Variants in RIMBP2 observed in about 807,000 individuals in gnomAD.
RIMBP2 encodes the protein RIMS-binding protein 2.
In RIMBP2, 48 loss-of-function variants were observed where a neutral mutation model predicts 118.6. The ratio of observed to expected loss-of-function variants is 0.40; its 90% CI spans 0.32 to 0.51. The LOEUF is 0.51. RIMBP2 is among the 20% of genes least tolerant of loss of function. The probability of loss-of-function intolerance (pLI) is 0.41; values close to 1 mark genes in which losing one functional copy is unlikely to be tolerated. For missense variants in RIMBP2, 1,551 were observed against 1,768.3 expected (o/e 0.88, Z 2.20); for synonymous variants, 762 against 742.9 (o/e 1.03, Z -0.42).
At chr12:130,545,737 G>A (rs562269520) in intron 2 of RIMBP2, among the ~76,000 whole-genome samples, 1 of 152,340 alleles carries the variant, frequency 6.6e-6, no homozygotes, top group South Asian at 2.1e-4. Flanking sequence ...GGCTTACGCA[G>A]AATCTTCTTC....
chr12:130,424,812 G>A lies in RIMBP2; in HGVS notation c.2459C>T (p.Pro820Leu). ...CCTGTGGGGCTGGTGGGGAAACTCGGGCTGCTCCCAGAAAGTGCCTTCCGA... is the reference window on the plus strand; with the variant it reads ...CCTGTGGGGCTGGTGGGGAAACTCGAGCTGCTCCCAGAAAGTGCCTTCCGA... ...RTSEGTFWEQPEFPHQPHRKR... is the reference protein window; with the variant it reads ...RTSEGTFWEQLEFPHQPHRKR... The change falls in exon 16 of 23, where the codon CCC becomes CTC. Residue 820 changes from proline to leucine, a missense_variant. Physicochemically the swap from Pro to Leu is moderately conservative, Grantham distance 98. Around this residue, in one of 5 missense-constraint regions of RIMBP2, gnomAD observed 1,038 missense variants for 1,125.1 expected, o/e 0.92. Transcript: ENST00000690449. This position sits in a 1 kb window ranked among gnomAD's most constrained non-coding sequence, Gnocchi z 9.8. 3.2e-6 allele frequency: 4 copies of A among 1,232,736 alleles called. No homozygotes were observed. Among genetic ancestry groups the A allele is most frequent in the Non-Finnish European group, 4.0e-6 (4 of 988,454 alleles). 76.4% of individuals were successfully genotyped at this position (1,232,736 alleles called of 1,614,324 possible).
intron 2 of RIMBP2, among the ~76,000 whole-genome samples, chr12:130,613,181 G>A (rs960508473): frequency 1.3e-5 from 2 of 152,240 alleles, no homozygotes; most frequent in Non-Finnish European, 2.9e-5. Context: ...TGAGTAATGA[G>A]GGGATGGGAC....
chr12:130,663,290 A>G (rs1021432995), intron 1 of RIMBP2, among the ~76,000 whole-genome samples: 1 of 152,182 alleles, frequency 6.6e-6, no homozygotes, highest in Non-Finnish European at 1.5e-5. Context: ...AGCCCTGTCC[A>G]TGCGCCCTGA....
At chr12:130,600,576 C>A (rs1593982978) in intron 2 of RIMBP2, among the ~76,000 whole-genome samples, 1 of 152,036 alleles carries the variant, frequency 6.6e-6, no homozygotes, top group Admixed American at 6.6e-5. Context: ...ACAGAACCTC[C>A]CCTCTGGCTG....
At position 130,578,439 on chromosome 12, in the gene RIMBP2, T is replaced by C. The variant is rs948610558; in HGVS notation, c.-217+49883A>G. On this transcript the variant is annotated intron_variant, in intron 2 of 22. Coordinates refer to ENST00000690449, the MANE Select transcript of RIMBP2 (RefSeq NM_001393629.1). The surrounding 1 kb of genome is among the most constrained non-coding windows in gnomAD (Gnocchi z 4.1). Reference sequence around the variant, plus strand: ...CCAAGACCTTCTGCAGCTTTGCCCCTGCCTCACCTGTCCAACCTCGCCTTG... The same window carrying C: ...CCAAGACCTTCTGCAGCTTTGCCCCCGCCTCACCTGTCCAACCTCGCCTTG... Among the ~76,000 whole-genome samples, 2 of 152,234 alleles carry C rather than the reference T, an allele frequency of 1.3e-5. No individual in the cohort carries two copies. The highest frequency in any genetic ancestry group is 2.9e-5 in the Non-Finnish European group (2 of 68,042).
chr12:130,662,611 A>G (rs887766519), intron 1 of RIMBP2, among the ~76,000 whole-genome samples: 9 of 151,994 alleles, frequency 5.9e-5, no homozygotes, highest in African/African-American at 2.2e-4. Flanking sequence ...AGCCAAGATC[A>G]CACCCTTGTA....
intron 1 of RIMBP2, among the ~76,000 whole-genome samples, chr12:130,645,469 T>A (rs1409429395): frequency 6.6e-6 from 1 of 152,186 alleles, no homozygotes; most frequent in Admixed American, 6.5e-5. Flanking sequence ...ACTGGCTGGA[T>A]GTGATATCGG....
intron 1 of RIMBP2, among the ~76,000 whole-genome samples, chr12:130,692,850 ATAGGGTAGGG>A (rs762175825): frequency 0.042 from 3,371 of 80,850 alleles, 253 homozygotes; most frequent in African/African-American, 0.15. Flanking sequence ...ATGGGATGGG[ATAGGGTAGGG>A]TAGGGTAGGG....
At chr12:130,671,039 C>T (rs1477529739) in intron 1 of RIMBP2, among the ~76,000 whole-genome samples, 2 of 152,134 alleles carry the variant, frequency 1.3e-5, no homozygotes, top group African/African-American at 2.4e-5. Context: ...GGATGACAGA[C>T]GTGAGCCACC....
At chr12:130,488,244 G>A (rs1302873704) in intron 4 of RIMBP2, among the ~76,000 whole-genome samples, 2 of 152,134 alleles carry the variant, frequency 1.3e-5, no homozygotes, top group Non-Finnish European at 2.9e-5. Flanking sequence ...CACACTGGCG[G>A]AGTTAGTCAC....
At chr12:130,425,023 C>A in intron 15 of RIMBP2, 165 bp from the exon 16 acceptor site, 1 of 411,856 alleles carries the variant, frequency 2.4e-6, no homozygotes, top group Non-Finnish European at 4.2e-6. Flanking sequence ...GAGGGCTCTG[C>A]AATGAAAACA....
Position 130,602,354 on chromosome 12 carries a change from G to A in RIMBP2, c.-217+25968C>T, listed in dbSNP as rs1481365700. On this transcript the variant is annotated intron_variant, in intron 2 of 22. Coordinates refer to ENST00000690449, the MANE Select transcript of RIMBP2 (RefSeq NM_001393629.1). The stretch of plus-strand genomic sequence containing the variant: ...CCATTTCAGCTCTGAGGTCCCAAAG[G>A]AACATTCAGCATCATAGGTGGGGCT... Among the ~76,000 whole-genome samples, 8 of 152,264 alleles carry A rather than the reference G, an allele frequency of 5.3e-5. No individual in the cohort carries two copies. In the East Asian group the frequency reaches 1.5e-3, roughly 29 times the overall value.
intron 1 of RIMBP2, among the ~76,000 whole-genome samples, chr12:130,664,395 A>ACACACACG (rs68176742): frequency 2.3e-5 from 3 of 128,536 alleles, no homozygotes; most frequent in Admixed American, 8.0e-5. Flanking sequence ...GCATGCACAC[A>ACACACACG]CACGCACGCA....
At position 130,433,356 on chromosome 12, in the gene RIMBP2, G is replaced by T. The variant is rs147953923; in HGVS notation, c.2253+1378C>A. 4.8e-3 allele frequency among the ~76,000 whole-genome samples: 727 copies of T among 152,298 alleles called. 2 individuals carry two copies. Among genetic ancestry groups the T allele is most frequent in the Non-Finnish European group, 8.4e-3 (573 of 68,022 alleles). On this transcript the variant is annotated intron_variant, in intron 14 of 22. Coordinates refer to ENST00000690449, the MANE Select transcript of RIMBP2 (RefSeq NM_001393629.1). ...ATATGTCTACTCACTGCATGTGCGT[G>T]TGACTCCTCTCGGATGGATGCACAG...
In RIMBP2 at chr12:130,407,734, C is replaced by G. The variant is rs765553561; in HGVS notation, c.3685G>C (p.Asp1229His). 6.2e-7 allele frequency: 1 copy of G among 1,613,534 alleles called. No individual in the cohort carries two copies. Among genetic ancestry groups the G allele is most frequent in the South Asian group, 1.1e-5 (1 of 91,048 alleles). Residue 1229 changes from aspartate (D) to histidine (H), a missense_variant, in exon 20 of 23, where the codon GAT becomes CAT. Around this residue, in one of 5 missense-constraint regions of RIMBP2, gnomAD observed 1,038 missense variants for 1,125.1 expected, o/e 0.92. Coordinates refer to ENST00000690449, the MANE Select transcript of RIMBP2 (RefSeq NM_001393629.1). ...YDPRESSPNV[D>H]VEAELTFCTG... ...CAGTGTTTGGCTGGTACCTCGACAT[C>G]GACGTTGGGCGAGCTTTCTCTGGGG...
intron 20 of RIMBP2, among the ~76,000 whole-genome samples, chr12:130,407,477 A>T (rs201680746): frequency 6.6e-6 from 1 of 152,208 alleles, no homozygotes; most frequent in East Asian, 1.9e-4. Context: ...TCTTTCTGTC[A>T]TGGCACAGGA....
chr12:130,483,135 G>C (rs111756180), intron 4 of RIMBP2, among the ~76,000 whole-genome samples: 19 of 68,912 alleles, frequency 2.8e-4, no homozygotes, highest in African/African-American at 9.8e-4. Context: ...ACATGTGTCA[G>C]ATTCTGCAGG....
At chr12:130,613,231 CCAACAAGGCAGGGGA>C in intron 2 of RIMBP2, among the ~76,000 whole-genome samples, 1 of 152,336 alleles carries the variant, frequency 6.6e-6, no homozygotes, top group South Asian at 2.1e-4. Flanking sequence ...GTTGCCGGGG[CCAACAAGGCAGGGGA>C]CGCCGCCCCC....
At chr12:130,659,788 CAT>C (rs2136331649) in intron 1 of RIMBP2, among the ~76,000 whole-genome samples, 1 of 151,934 alleles carries the variant, frequency 6.6e-6, no homozygotes, top group South Asian at 2.1e-4. Flanking sequence ...GCCTGGCCAA[CAT>C]AGTGAAACCT....
Sources: allele counts gnomAD v4.1 joint callset (sites outside exome capture counted in the v4.1 genomes callset), GRCh38; gene constraint gnomAD v4.1.1; regional missense constraint gnomAD v4.1.1; non-coding constraint Gnocchi (gnomAD v3.1); transcripts MANE v1.5; gene names NCBI Gene and HGNC (gene_info 2026-07-23, HGNC 2026-07-21).